Variants in MSH4 observed in about 807,000 individuals in gnomAD.
The protein encoded by MSH4 is mutS protein homolog 4.
Under a neutral mutation model 113.7 loss-of-function variants are expected in MSH4, and 106 were observed. The observed-to-expected ratio is 0.93, with a 90% confidence interval of 0.80 to 1.10. The LOEUF is 1.10. Ranked by LOEUF, MSH4 falls within the 50% of genes least tolerant of loss-of-function variation. The pLI is 0.00. For synonymous variants in MSH4, 368 were observed against 380.2 expected, an observed-to-expected ratio of 0.97 and a Z score of 0.37; for missense variants, 1,061 against 1,093.7, an observed-to-expected ratio of 0.97 and a Z score of 0.42.
At chr1:75,905,693 T>A (rs1652611084) in intron 19 of MSH4, among the ~76,000 whole-genome samples, 4 of 152,180 alleles carry the variant, frequency 2.6e-5, no homozygotes, top group African/African-American at 9.6e-5. Flanking sequence ...TTTCTCTTTA[T>A]ATCTATGAAT....
intron 7 of MSH4, among the ~76,000 whole-genome samples, chr1:75,828,918 C>T (rs1650618343): frequency 6.6e-6 from 1 of 152,272 alleles, no homozygotes; most frequent in South Asian, 2.1e-4. Flanking sequence ...GCATTTCCAA[C>T]TGAGGTGCTG....
At chr1:75,844,283 A>G (rs1178384592) in intron 7 of MSH4, among the ~76,000 whole-genome samples, 1 of 152,220 alleles carries the variant, frequency 6.6e-6, no homozygotes, top group Non-Finnish European at 1.5e-5. Context: ...ATTTTAAAAC[A>G]ATCTCTATGT....
chr1:75,831,241 C>A (rs765126268), intron 7 of MSH4, among the ~76,000 whole-genome samples: 3 of 152,262 alleles, frequency 2.0e-5, no homozygotes, highest in Admixed American at 6.5e-5. Context: ...AGAGCTAACT[C>A]TCCTAAATAT....
At chr1:75,826,245 T>C (rs1250312629) in intron 7 of MSH4, among the ~76,000 whole-genome samples, 1 of 151,908 alleles carries the variant, frequency 6.6e-6, no homozygotes, top group Non-Finnish European at 1.5e-5. Context: ...TTCTAGTTTA[T>C]TTGTGTAGAG....
At chr1:75,837,196 G>C (rs1338183950) in intron 7 of MSH4, among the ~76,000 whole-genome samples, 1 of 152,138 alleles carries the variant, frequency 6.6e-6, no homozygotes, top group Non-Finnish European at 1.5e-5. Flanking sequence ...TGAAGATACA[G>C]CGAGAAGGTA....
At chr1:75,822,811 G>GTTT (rs146516918) in intron 7 of MSH4, among the ~76,000 whole-genome samples, 1 of 149,860 alleles carries the variant, frequency 6.7e-6, no homozygotes, top group Admixed American at 6.7e-5. Context: ...ATTTTTTTCT[G>GTTT]TTTTTTTTTG....
At chr1:75,800,620 CTGAG>C (rs1260089108) in intron 1 of MSH4, among the ~76,000 whole-genome samples, 3 of 135,696 alleles carry the variant, frequency 2.2e-5, no homozygotes, top group Non-Finnish European at 4.8e-5. Flanking sequence ...CACTCAGTCA[CTGAG>C]TGTTAGGGTT....
At chr1:75,849,867 G>A (rs930545923) in intron 8 of MSH4, among the ~76,000 whole-genome samples, 1 of 152,098 alleles carries the variant, frequency 6.6e-6, no homozygotes, top group Non-Finnish European at 1.5e-5. Flanking sequence ...TTATTAAATA[G>A]GCATAGTGCT....
At chr1:75,846,729 T>G (rs1260777995) in intron 7 of MSH4, among the ~76,000 whole-genome samples, 1 of 152,198 alleles carries the variant, frequency 6.6e-6, no homozygotes, top group African/African-American at 2.4e-5. Context: ...TTTCTGAGCC[T>G]TCACTAGAAT....
In MSH4 at chr1:75,880,092, T is replaced by G. The variant is rs752013638; in HGVS notation, c.1720T>G (p.Leu574Val). 6.3e-7 allele frequency: 1 copy of G among 1,598,708 alleles called. No homozygotes were observed. The change falls in exon 13 of 20, where the codon TTA becomes GTA. Residue 574 changes from leucine (L) to valine (V), a missense_variant. Leu to Val is a conservative substitution (Grantham distance 32). Transcript: ENST00000263187. ...TTCTTACAGCTTTACATCAGCAGAT[T>G]TAATTAAAATGAATGAAAGATGCCA... ...KNSYSFTSAD[L>V]IKMNERCQES...
At chr1:75,881,674 A>G (rs1651935389) in intron 14 of MSH4, among the ~76,000 whole-genome samples, 1 of 152,084 alleles carries the variant, frequency 6.6e-6, no homozygotes, top group African/African-American at 2.4e-5. Context: ...ATCTAAATTT[A>G]TAAAGTTCAA....
At chr1:75,814,901 T>C in intron 4 of MSH4, 120 bp from the exon 5 acceptor site, 1 of 631,964 alleles carries the variant, frequency 1.6e-6, no homozygotes, top group Non-Finnish European at 2.8e-6. Flanking sequence ...AAGTTCTTAT[T>C]TAAATGTTGA....
intron 9 of MSH4, among the ~76,000 whole-genome samples, 168 bp downstream of exon 9, chr1:75,867,756 T>A (rs996657614): frequency 1.3e-5 from 2 of 152,164 alleles, no homozygotes; most frequent in African/African-American, 4.8e-5. Flanking sequence ...AGCCTTATTA[T>A]GCTTACTGAA....
At chr1:75,834,965 T>G (rs1243342601) in intron 7 of MSH4, among the ~76,000 whole-genome samples, 1 of 152,186 alleles carries the variant, frequency 6.6e-6, no homozygotes, top group Non-Finnish European at 1.5e-5. Flanking sequence ...AAAAGAAAGT[T>G]GCCTTTGCAA....
At chr1:75,799,542 G>T (rs1370484871) in intron 1 of MSH4, among the ~76,000 whole-genome samples, 1 of 152,218 alleles carries the variant, frequency 6.6e-6, no homozygotes, top group East Asian at 1.9e-4. Flanking sequence ...CCTTGAACTG[G>T]TCTTCAAGAA....
chr1:75,904,991 G>A (rs1353657878), intron 19 of MSH4, among the ~76,000 whole-genome samples: 1 of 151,446 alleles, frequency 6.6e-6, no homozygotes, highest in East Asian at 1.9e-4. Context: ...TTTTTAGTTG[G>A]TCTAGTAAAG....
Position 75,870,645 on chromosome 1 carries a change from A to T in MSH4, c.1305+3057A>T, listed in dbSNP as rs553275282. ...ATGTTCTTCTTGCCTGCTGCCATGT[A>T]AAACATGACTTTGCTCCTTATTCAC... On this transcript the variant is annotated intron_variant, in intron 9 of 19. Coordinates refer to ENST00000263187, the MANE Select transcript of MSH4 (RefSeq NM_002440.4). Among the ~76,000 whole-genome samples, 220 of 152,280 alleles carry T rather than the reference A, an allele frequency of 1.4e-3. 1 individual carries two copies. The highest frequency in any genetic ancestry group is 5.1e-3 in the African/African-American group (212 of 41,536).
At chr1:75,858,859 C>T (rs1223528317) in intron 8 of MSH4, among the ~76,000 whole-genome samples, 1 of 152,128 alleles carries the variant, frequency 6.6e-6, no homozygotes, top group South Asian at 2.1e-4. Flanking sequence ...CCTCTTTGTA[C>T]CTCTGGTAGA....
chr1:75,909,601 G>A lies in MSH4; in HGVS notation c.2620-3095G>A, dbSNP rs576815745. On this transcript the variant is annotated intron_variant, in intron 19 of 19. Coordinates refer to ENST00000263187, the MANE Select transcript of MSH4 (RefSeq NM_002440.4). ...ACCCGTCATCTAGGTTTTAAGTCCCGCATGCATTAGATATTTGTCCTAATG... is the reference window on the plus strand; with the variant it reads ...ACCCGTCATCTAGGTTTTAAGTCCCACATGCATTAGATATTTGTCCTAATG... 1.3e-4 allele frequency among the ~76,000 whole-genome samples: 19 copies of A among 151,680 alleles called. No homozygotes were observed. The East Asian group carries it at 1.7e-3, about 14-fold the overall frequency.
Sources: gnomAD v4.1 joint callset for allele counts (sites outside exome capture counted in the v4.1 genomes callset) on GRCh38, gnomAD v4.1.1 for gene constraint, MANE v1.5 for transcripts, NCBI Gene and HGNC (gene_info 2026-07-23, HGNC 2026-07-21) for gene names.